SLC12A6: variants seen among roughly 807,000 people sequenced by gnomAD.
SLC12A6 encodes the protein K-Cl cotransporter 3.
A neutral mutation model predicts 135.3 loss-of-function variants in SLC12A6; 66 were observed. The observed-to-expected ratio is 0.49, with a 90% CI of 0.40 to 0.60. The LOEUF (loss-of-function observed/expected upper bound fraction) is 0.60. Among genes scored for constraint, SLC12A6 ranks in the 20% least tolerant of loss-of-function variants. The probability of loss-of-function intolerance (pLI) is 0.00; values close to 1 mark genes in which losing one functional copy is unlikely to be tolerated. For synonymous variants in SLC12A6, 513 were observed against 508.8 expected (o/e 1.01, Z -0.11); for missense variants, 1,058 against 1,452.3 (o/e 0.73, Z 4.41).
intron 4 of SLC12A6, 30 bp from the exon 5 acceptor site, chr15:34,258,974 G>A (rs1566819524): frequency 6.3e-7 from 1 of 1,578,284 alleles, no homozygotes; most frequent in Non-Finnish European, 8.7e-7. Flanking sequence ...GAAGAAATGA[G>A]CTACAAAGAA....
chr15:34,282,309 A>G (rs2140920599), intron 2 of SLC12A6, among the ~76,000 whole-genome samples: 1 of 152,344 alleles, frequency 6.6e-6, no homozygotes, highest in East Asian at 1.9e-4. Flanking sequence ...CTGCCTAGCT[A>G]ATCTCCAAAA....
chr15:34,257,620 TA>T, intron 6 of SLC12A6, 21 bp downstream of exon 6: 1 of 1,608,254 alleles, frequency 6.2e-7, no homozygotes, highest in Admixed American at 1.7e-5. Context: ...AGGTGATCTC[TA>T]GGAGCCAGTG....
intron 2 of SLC12A6, among the ~76,000 whole-genome samples, chr15:34,283,640 TG>T (rs1374630959): frequency 4.6e-5 from 7 of 151,964 alleles, no homozygotes; most frequent in Non-Finnish European, 1.0e-4. Flanking sequence ...AGTAACAAAG[TG>T]TTTTTTTTTT....
intron 2 of SLC12A6, among the ~76,000 whole-genome samples, chr15:34,277,302 C>T (rs1028798108): frequency 1.1e-4 from 17 of 152,082 alleles, no homozygotes; most frequent in Non-Finnish European, 1.6e-4. Flanking sequence ...GGCATAGTGG[C>T]GTGTGCACCT....
At position 34,237,618 on chromosome 15, in the gene SLC12A6, T is replaced by C. The variant is rs1308206021; in HGVS notation, c.2803-68A>G. On this transcript the variant is annotated intron_variant, in intron 21 of 25. Coordinates refer to ENST00000354181, the MANE Select transcript of SLC12A6 (RefSeq NM_001365088.1). ...GCAAAAAAGGTTATTTCCTAAGACA[T>C]TAGACATTGTGGTCTAGAAGAACCT... The C allele has an allele frequency of 6.1e-6, 8 of 1,318,124 alleles. No homozygotes were observed. The Admixed American group carries it at 6.8e-5, about 11-fold the overall frequency. 81.7% of individuals were successfully genotyped at this position (1,318,124 alleles called of 1,614,324 possible). A position where few individuals can be genotyped will look rare whatever the true frequency, so the allele number is the denominator to read the frequency against.
intron 2 of SLC12A6, among the ~76,000 whole-genome samples, chr15:34,297,013 TC>T (rs755356882): frequency 2.6e-5 from 4 of 152,228 alleles, no homozygotes; most frequent in Non-Finnish European, 5.9e-5. Context: ...CTACTAAACA[TC>T]TTGATAAGTT....
intron 19 of SLC12A6, among the ~76,000 whole-genome samples, chr15:34,240,156 A>G (rs1891546299): frequency 6.6e-6 from 1 of 151,956 alleles, no homozygotes. Context: ...TTCAAAAACA[A>G]TAGGATTAGT....
In SLC12A6 at chr15:34,281,034, A is replaced by G. The variant is rs144189262; in HGVS notation, c.272-5645T>C. Among the ~76,000 whole-genome samples the G allele has an allele frequency of 3.2e-3, 494 of 152,288 alleles. 3 individuals carry two copies. The highest frequency in any genetic ancestry group is 0.027 in the Middle Eastern group (8 of 294). On this transcript the variant is annotated intron_variant, in intron 2 of 25. Transcript: ENST00000354181. The stretch of plus-strand genomic sequence containing the variant: ...GAACAGACGATACTTGAGGGTGAGA[A>G]GGGCATGGGTATGGGCGGAGGGCAG...
Position 34,242,202 on chromosome 15 carries a change from T to C in SLC12A6, c.2062A>G (p.Met688Val). The C allele has an allele frequency of 6.2e-7, 1 of 1,600,656 alleles. No individual in the cohort carries two copies. The highest frequency in any genetic ancestry group is 8.6e-7 in the Non-Finnish European group (1 of 1,168,074). Residue 688 changes from methionine to valine, a missense_variant, in exon 17 of 26, where the codon ATG (methionine) becomes GTG (valine). Transcript: ENST00000354181. ...YYHWALSFMG[M>V]SICLALMFIS... ...AACATCAGAGCCAGACAGATACTCATTCCCATGAAAGAAAGGGCCCTAGAA... is the reference window on the plus strand; with the variant it reads ...AACATCAGAGCCAGACAGATACTCACTCCCATGAAAGAAAGGGCCCTAGAA...
intron 2 of SLC12A6, among the ~76,000 whole-genome samples, chr15:34,332,164 C>T (rs772555532): frequency 2.0e-5 from 3 of 152,198 alleles, no homozygotes; most frequent in Admixed American, 6.5e-5. Context: ...ACTTATACAG[C>T]ATTATAATTT....
chr15:34,263,485 C>T (rs1595457867), intron 3 of SLC12A6, among the ~76,000 whole-genome samples: 1 of 151,948 alleles, frequency 6.6e-6, no homozygotes, highest in Middle Eastern at 3.4e-3. Context: ...ACAAACCCTT[C>T]CACATTTTTT....
At position 34,258,782 on chromosome 15, in the gene SLC12A6, C is replaced by G. The variant is rs376870213; in HGVS notation, c.543+31G>C. On this transcript the variant is annotated intron_variant, in intron 5 of 25. Coordinates refer to ENST00000354181, the MANE Select transcript of SLC12A6 (RefSeq NM_001365088.1). ...TTCTTTCTTATATACAGGGCTCTTTCTATGTATTCCTTGTTATTCTGAGGC... is the reference window on the plus strand; with the variant it reads ...TTCTTTCTTATATACAGGGCTCTTTGTATGTATTCCTTGTTATTCTGAGGC... 30 of 1,585,640 alleles carry G rather than the reference C, an allele frequency of 1.9e-5. No individual in the cohort carries two copies. The African/African-American group carries it at 3.4e-4, about 18-fold the overall frequency.
chr15:34,237,264 G>T, intron 22 of SLC12A6, 155 bp downstream of exon 22: 5 of 625,318 alleles, frequency 8.0e-6, no homozygotes, highest in South Asian at 7.8e-5. Context: ...TCTACTTAGG[G>T]CAACAAATTA....
chr15:34,247,768 G>T (rs1892099516), intron 13 of SLC12A6, among the ~76,000 whole-genome samples: 1 of 150,720 alleles, frequency 6.6e-6, no homozygotes, highest in Non-Finnish European at 1.5e-5. Context: ...GTAATGCTGT[G>T]ATCATGACTG....
intron 2 of SLC12A6, among the ~76,000 whole-genome samples, chr15:34,277,384 TATG>T (rs2140897544): frequency 6.6e-6 from 1 of 152,252 alleles, no homozygotes; most frequent in African/African-American, 2.4e-5. Context: ...CCCAGTGAGC[TATG>T]ATGATGCCAC....
intron 2 of SLC12A6, among the ~76,000 whole-genome samples, chr15:34,286,177 A>T (rs1420608091): frequency 6.6e-6 from 1 of 151,784 alleles, no homozygotes; most frequent in African/African-American, 2.4e-5. Flanking sequence ...GGGTTCAAGC[A>T]ATTCTCCTGA....
intron 2 of SLC12A6, among the ~76,000 whole-genome samples, chr15:34,277,839 T>C (rs1443182542): frequency 6.6e-6 from 1 of 152,228 alleles, no homozygotes; most frequent in Non-Finnish European, 1.5e-5. Flanking sequence ...CATATTTTAA[T>C]GTTTATAGTT....
At position 34,327,565 on chromosome 15, in the gene SLC12A6, G is replaced by C. The variant is rs946783238; in HGVS notation, c.271+8845C>G. Among the ~76,000 whole-genome samples the C allele has an allele frequency of 2.6e-5, 4 of 152,216 alleles. No individual in the cohort carries two copies. The South Asian group carries it at 8.3e-4, about 32-fold the overall frequency. On this transcript the variant is annotated intron_variant, in intron 2 of 25. Transcript: ENST00000354181. ...CCCAGCTACTCAGGAGGCTGAGGGA[G>C]GAGAACTGCTTGAACCTGTGAGGCG...
intron 3 of SLC12A6, among the ~76,000 whole-genome samples, chr15:34,271,757 A>G (rs8031388): frequency 6.6e-6 from 1 of 152,150 alleles, no homozygotes; most frequent in Admixed American, 6.5e-5. Context: ...CAGTAGATAC[A>G]TTAAAATAAC....
Sources: allele counts gnomAD v4.1 joint callset (sites outside exome capture counted in the v4.1 genomes callset), GRCh38; gene constraint gnomAD v4.1.1; transcripts MANE v1.5; gene names NCBI Gene and HGNC (gene_info 2026-07-23, HGNC 2026-07-21).